SMG6: variants seen among roughly 807,000 people sequenced by gnomAD.
The protein encoded by SMG6 is telomerase-binding protein EST1A.
Under a neutral mutation model 142.2 loss-of-function variants are expected in SMG6, and 66 were observed. That is an observed-to-expected ratio of 0.46 (90% confidence interval 0.38 to 0.57). The LOEUF (loss-of-function observed/expected upper bound fraction) is 0.57. Among genes scored for constraint, SMG6 ranks in the 20% least tolerant of loss-of-function variants. The pLI is 0.00. For synonymous variants in SMG6, 779 were observed against 702.4 expected, an observed-to-expected ratio of 1.11 and a Z score of -1.72; for missense variants, 1,793 against 1,832.0, an observed-to-expected ratio of 0.98 and a Z score of 0.39.
At chr17:2,129,812 A>AG (rs2070046115) in intron 13 of SMG6, among the ~76,000 whole-genome samples, 1 of 150,502 alleles carries the variant, frequency 6.6e-6, no homozygotes, top group Non-Finnish European at 1.5e-5. Flanking sequence ...AAAAAAAAAA[A>AG]AAAAAAAAAG....
At position 2,085,919 on chromosome 17, in the gene SMG6, G is replaced by A. The variant is rs1567585694; in HGVS notation, c.3358-18C>T. ...GCAATAACCTACAGGGTGAGAGGGAGAGAAGAAAAACAGCATTTTCTGAAA... is the reference window on the plus strand; with the variant it reads ...GCAATAACCTACAGGGTGAGAGGGAAAGAAGAAAAACAGCATTTTCTGAAA... On this transcript the variant is annotated intron_variant, in intron 13 of 18. Coordinates refer to ENST00000263073, the MANE Select transcript of SMG6 (RefSeq NM_017575.5). The surrounding 1 kb of genome is among the most constrained non-coding windows in gnomAD (Gnocchi z 4.1). 6.2e-7 allele frequency: 1 copy of A among 1,611,898 alleles called. No individual in the cohort carries two copies. The highest frequency in any genetic ancestry group is 8.5e-7 in the Non-Finnish European group (1 of 1,179,098).
chr17:2,183,279 A>C (rs1229403836), intron 12 of SMG6, among the ~76,000 whole-genome samples: 1 of 151,950 alleles, frequency 6.6e-6, no homozygotes, highest in African/African-American at 2.4e-5. Flanking sequence ...AGAAAAAAGA[A>C]AGAAGGGAGG....
intron 8 of SMG6, among the ~76,000 whole-genome samples, chr17:2,282,391 A>G (rs1395694667): frequency 2.5e-5 from 1 of 40,226 alleles, no homozygotes; most frequent in African/African-American, 3.0e-4. Context: ...AAAAAGCAGC[A>G]AAAAAAAAAA....
chr17:2,202,425 G>A (rs1448446946), intron 10 of SMG6, among the ~76,000 whole-genome samples: 2 of 152,118 alleles, frequency 1.3e-5, no homozygotes, highest in African/African-American at 4.8e-5. Flanking sequence ...GGTGGCAGGT[G>A]CCTATAGTCT....
chr17:2,264,939 C>T (rs7209564), intron 8 of SMG6, among the ~76,000 whole-genome samples: 117,963 of 151,866 alleles, frequency 0.78, 46,936 homozygotes, highest in African/African-American at 0.93. Context: ...TCTTGTATTC[C>T]ACCCTACTGA....
intron 1 of SMG6, chr17:2,303,144 T>C: frequency 1.0e-6 from 1 of 985,388 alleles, no homozygotes; most frequent in African/African-American, 1.7e-5. Context: ...TGGCGCAGCT[T>C]TCGGAAGCCT....
intron 13 of SMG6, among the ~76,000 whole-genome samples, chr17:2,112,340 T>C (rs2069350392): frequency 6.6e-6 from 1 of 150,780 alleles, no homozygotes; most frequent in African/African-American, 2.4e-5. Context: ...CCGTCTCTAC[T>C]AAAAATACAA....
At chr17:2,169,805 T>C (rs2071448711) in intron 13 of SMG6, among the ~76,000 whole-genome samples, 1 of 152,022 alleles carries the variant, frequency 6.6e-6, no homozygotes, top group African/African-American at 2.4e-5. Flanking sequence ...GGTTTTGAAC[T>C]AAGAAATGAC....
intron 13 of SMG6, among the ~76,000 whole-genome samples, chr17:2,099,438 C>G (rs1044479519): frequency 1.3e-5 from 2 of 151,822 alleles, no homozygotes; most frequent in Non-Finnish European, 2.9e-5. Context: ...TAAAATGTAC[C>G]TCCTAAGAAG....
At chr17:2,196,555 G>T (rs1046489379) in intron 10 of SMG6, among the ~76,000 whole-genome samples, 1 of 152,108 alleles carries the variant, frequency 6.6e-6, no homozygotes, top group Non-Finnish European at 1.5e-5. Flanking sequence ...ATCTTAGGAA[G>T]GTTTTATGTA....
chr17:2,131,799 G>T (rs1425436247), intron 13 of SMG6, among the ~76,000 whole-genome samples: 2 of 152,146 alleles, frequency 1.3e-5, no homozygotes, highest in African/African-American at 4.8e-5. Context: ...GGTGGCACAC[G>T]CCTGTAATTC....
At position 2,087,366 on chromosome 17, in the gene SMG6, G is replaced by A. The variant is rs538425222; in HGVS notation, c.3358-1465C>T. On this transcript the variant is annotated intron_variant, in intron 13 of 18. Transcript: ENST00000263073. ...TGCCCAGGAAAGTGCGGCACACACC[G>A]GTCAACTGTGTGCTCTGTGGCTGCA... 3.9e-4 allele frequency: 463 copies of A among 1,195,830 alleles called. 1 individual carries two copies. Among genetic ancestry groups the A allele is most frequent in the Non-Finnish European group, 4.6e-4 (435 of 945,184 alleles). The allele number at this position is 1,195,830 out of a possible 1,614,324, so 74.1% of individuals were successfully genotyped here. A position where few individuals can be genotyped will look rare whatever the true frequency, so the allele number is the denominator to read the frequency against.
chr17:2,229,680 T>C (rs1226107510), intron 10 of SMG6, among the ~76,000 whole-genome samples: 1 of 152,228 alleles, frequency 6.6e-6, no homozygotes, highest in East Asian at 1.9e-4. Flanking sequence ...TTGTCATTAC[T>C]GGTCACGCCC....
intron 10 of SMG6, among the ~76,000 whole-genome samples, chr17:2,189,310 T>C (rs2072089738): frequency 6.6e-6 from 1 of 152,182 alleles, no homozygotes; most frequent in African/African-American, 2.4e-5. Flanking sequence ...TATTCTTTGG[T>C]GGGAGCTATG....
chr17:2,295,030 C>A lies in SMG6; in HGVS notation c.2152-2053G>T, dbSNP rs553907063. Among the ~76,000 whole-genome samples the A allele has an allele frequency of 7.2e-5, 11 of 152,246 alleles. No homozygotes were observed. The South Asian group carries it at 2.3e-3, about 32-fold the overall frequency. ...TAGCTGGGATTACAGGCATGCACCA[C>A]CACACCCAGCTAATTTTTGTATTTT... On this transcript the variant is annotated intron_variant, in intron 4 of 18. Transcript: ENST00000263073.
chr17:2,065,373 T>C (rs773261118), intron 17 of SMG6, 95 bp downstream of exon 17: 112 of 1,297,172 alleles, frequency 8.6e-5, no homozygotes, highest in Non-Finnish European at 1.1e-4. Flanking sequence ...GGCCCTCAGC[T>C]GCCCAGGCTG....
Position 2,303,629 on chromosome 17 carries a change from T to G in SMG6, c.88+4A>C. On this transcript the variant is annotated splice_donor_region_variant and intron_variant, in intron 1 of 18. Coordinates refer to ENST00000263073, the MANE Select transcript of SMG6 (RefSeq NM_017575.5). ...CGGCCCAGGAGCTGGGCGGCGCGAC[T>G]CACCTCTGCTCCCGGCCTGCGGGGC... 2.1e-6 allele frequency: 3 copies of G among 1,462,004 alleles called. No individual in the cohort carries two copies. The highest frequency in any genetic ancestry group is 2.7e-6 in the Non-Finnish European group (3 of 1,112,744). The allele number at this position is 1,462,004 out of a possible 1,614,324, so 90.6% of individuals were successfully genotyped here.
At chr17:2,199,476 T>C (rs555001554) in intron 10 of SMG6, among the ~76,000 whole-genome samples, 2 of 151,424 alleles carry the variant, frequency 1.3e-5, no homozygotes, top group South Asian at 4.2e-4. Flanking sequence ...AGGTTGAGGC[T>C]GCAGTATTGT....
At chr17:2,190,533 C>G (rs2072127361) in intron 10 of SMG6, among the ~76,000 whole-genome samples, 1 of 152,208 alleles carries the variant, frequency 6.6e-6, no homozygotes, top group Non-Finnish European at 1.5e-5. Flanking sequence ...TAGACTGTCT[C>G]TCAGAGTTCA....
Sources: gnomAD v4.1 joint callset for allele counts (sites outside exome capture counted in the v4.1 genomes callset) on GRCh38, gnomAD v4.1.1 for gene constraint, Gnocchi (gnomAD v3.1) non-coding constraint, MANE v1.5 for transcripts, NCBI Gene and HGNC (gene_info 2026-07-23, HGNC 2026-07-21) for gene names.